The following SENP2 variants were observed in gnomAD, a reference collection of about 807,000 sequenced individuals.
The protein encoded by SENP2 is sentrin-specific protease 2.
In SENP2, 16 loss-of-function variants were observed where a neutral mutation model predicts 86.3. That is an observed-to-expected ratio of 0.19 (90% confidence interval 0.13 to 0.28). SENP2 has a LOEUF of 0.28. SENP2 is among the 10% of genes least tolerant of loss of function. The pLI is 1.00. For missense variants in SENP2, 552 were observed against 703.0 expected (o/e 0.79, Z 2.43); for synonymous variants, 222 against 238.7 (o/e 0.93, Z 0.64).
chr3:185,607,391 C>T lies in SENP2; in HGVS notation c.618+893C>T, dbSNP rs539994266. 2.3e-3 allele frequency among the ~76,000 whole-genome samples: 321 copies of T among 138,280 alleles called. 2 individuals carry two copies. Among genetic ancestry groups the T allele is most frequent in the African/African-American group, 8.2e-3 (302 of 36,968 alleles). 90.7% of individuals were successfully genotyped at this position (138,280 alleles called of 152,430 possible). ...TTGCCCAGGCTAGAGTGCAATGGCG[C>T]GATCTTGGCTCACTGCAGCCTCCAC... On this transcript the variant is annotated intron_variant, in intron 6 of 16. Coordinates refer to ENST00000296257, the MANE Select transcript of SENP2 (RefSeq NM_021627.3).
chr3:185,592,896 C>T (rs556065254), intron 2 of SENP2, among the ~76,000 whole-genome samples: 16 of 152,210 alleles, frequency 1.1e-4, no homozygotes, highest in Admixed American at 2.6e-4. Context: ...GAATTACAGG[C>T]GTGAGCCACC....
chr3:185,591,226 C>G (rs1486795272), intron 2 of SENP2, among the ~76,000 whole-genome samples: 2 of 151,408 alleles, frequency 1.3e-5, no homozygotes, highest in Non-Finnish European at 2.9e-5. Context: ...CTTTCCTATC[C>G]CTTTCTTATC....
intron 2 of SENP2, among the ~76,000 whole-genome samples, chr3:185,592,574 T>C (rs895372240): frequency 6.6e-6 from 1 of 152,070 alleles, no homozygotes; most frequent in African/African-American, 2.4e-5. Context: ...CTAACCAATG[T>C]GTTAGGTTTT....
chr3:185,594,016 C>T (rs1438817310), intron 2 of SENP2, among the ~76,000 whole-genome samples: 5 of 152,078 alleles, frequency 3.3e-5, no homozygotes, highest in Non-Finnish European at 2.9e-5. Context: ...GCGTGAGCCA[C>T]CTCACCCGGC....
chr3:185,618,887 A>AT (rs1711726981), intron 12 of SENP2, among the ~76,000 whole-genome samples: 1 of 152,252 alleles, frequency 6.6e-6, no homozygotes, highest in African/African-American at 2.4e-5. Context: ...TCAAAAAAAA[A>AT]GTATCACCAC....
In SENP2 at chr3:185,598,494, C is replaced by T. The variant is rs764689654; in HGVS notation, c.240C>T (p.Pro80=). The T allele has an allele frequency of 1.2e-6, 2 of 1,614,096 alleles. No individual in the cohort carries two copies. The highest frequency in any genetic ancestry group is 1.7e-6 in the Non-Finnish European group (2 of 1,180,026). The change falls in exon 3 of 17, where the codon CCC becomes CCT. Residue 80 remains proline (P), a synonymous_variant. Coordinates refer to ENST00000296257, the MANE Select transcript of SENP2 (RefSeq NM_021627.3). ...TCCCATTCCAGCTGACCACAAAGCCCATGGTAACTTCTGCTTGTAATGGAA... is the reference window on the plus strand; with the variant it reads ...TCCCATTCCAGCTGACCACAAAGCCTATGGTAACTTCTGCTTGTAATGGAA... ...FGFPFQLTTK[P]MVTSACNGTR...
At chr3:185,590,337 C>T (rs1721935843) in intron 2 of SENP2, among the ~76,000 whole-genome samples, 168 bp downstream of exon 2, 2 of 152,104 alleles carry the variant, frequency 1.3e-5, no homozygotes, top group African/African-American at 4.8e-5. Flanking sequence ...CACCTGAGGT[C>T]AGGAGTTTGA....
chr3:185,592,900 A>C (rs574260407), intron 2 of SENP2, among the ~76,000 whole-genome samples: 1 of 152,354 alleles, frequency 6.6e-6, no homozygotes, highest in South Asian at 2.1e-4. Context: ...TACAGGCGTG[A>C]GCCACCGTGC....
chr3:185,632,204 A>T lies in SENP2; in HGVS notation c.*2360A>T, dbSNP rs1712505675. On this transcript the variant is annotated 3_prime_UTR_variant, in exon 17 of 17. Transcript: ENST00000296257. ...TATTAGTAGCAAATTATCACCATTA[A>T]AGCCAGTGGTTTTTTTTTTGTTTTT... is the stretch of plus-strand genomic sequence containing the variant. The T allele has an allele frequency of 6.7e-6, 1 of 150,052 alleles. No homozygotes were observed. Among genetic ancestry groups the T allele is most frequent in the Non-Finnish European group, 1.5e-5 (1 of 67,674 alleles). The allele number at this position is 150,052 out of a possible 1,614,324, so 9.3% of individuals were successfully genotyped here. A position where few individuals can be genotyped will look rare whatever the true frequency, so the allele number is the denominator to read the frequency against.
intron 1 of SENP2, among the ~76,000 whole-genome samples, chr3:185,587,631 A>C (rs1049569038): frequency 7.1e-6 from 1 of 141,140 alleles, no homozygotes; most frequent in East Asian, 2.1e-4. Context: ...CAGTGGCGCA[A>C]TCTCGGCTCA....
intron 2 of SENP2, among the ~76,000 whole-genome samples, chr3:185,596,131 A>C (rs1356750241): frequency 2.6e-5 from 4 of 151,924 alleles, no homozygotes; most frequent in Non-Finnish European, 5.9e-5. Flanking sequence ...ACGCCCAGCT[A>C]ATTTTTGTAT....
In SENP2 at chr3:185,626,339, T is replaced by C; in HGVS notation, c.1653T>C (p.Phe551=). The stretch of plus-strand genomic sequence containing the variant: ...TGAATGGGAGTGATTGTGGAATGTT[T>C]ACTTGTAAATATGCAGATTATATTT... ...QQLNGSDCGM[F]TCKYADYISR... Residue 551 remains phenylalanine (F), a synonymous_variant, in exon 16 of 17, where the codon TTT becomes TTC. Coordinates refer to ENST00000296257, the MANE Select transcript of SENP2 (RefSeq NM_021627.3). 6.2e-7 allele frequency: 1 copy of C among 1,612,838 alleles called. No homozygotes were observed. Among genetic ancestry groups the C allele is most frequent in the Non-Finnish European group, 8.5e-7 (1 of 1,179,096 alleles).
chr3:185,609,147 CAT>C, intron 6 of SENP2, 98 bp from the exon 7 acceptor site: 1 of 710,578 alleles, frequency 1.4e-6, no homozygotes, highest in Non-Finnish European at 2.3e-6. Context: ...ATATTAAAAA[CAT>C]AGTGCTGGCA....
Position 185,609,389 on chromosome 3 carries a change from T to TTTTG in SENP2, c.722+51_722+54dup, listed in dbSNP as rs746397450. ...AACAGATAATGCTTTGCTAGGCATC[T>TTTTG]TTTGTTTGTTTGTTTTTGGAGAAAG... On this transcript the variant is annotated intron_variant, in intron 7 of 16. Transcript: ENST00000296257. 3.5e-6 allele frequency: 5 copies of TTTTG among 1,435,266 alleles called. No homozygotes were observed. In the South Asian group the frequency reaches 4.6e-5, roughly 13 times the overall value. 88.9% of individuals were successfully genotyped at this position (1,435,266 alleles called of 1,614,324 possible).
chr3:185,590,500 A>G (rs944968742), intron 2 of SENP2, among the ~76,000 whole-genome samples: 4 of 151,574 alleles, frequency 2.6e-5, no homozygotes, highest in Admixed American at 2.6e-4. Flanking sequence ...GTGAGCCAAG[A>G]TGGTGCCATT....
intron 1 of SENP2, among the ~76,000 whole-genome samples, chr3:185,587,584 T>TTTTTTTTTTTTTTTTTTTTTTTTG: frequency 6.7e-6 from 1 of 149,680 alleles, no homozygotes; most frequent in East Asian, 2.0e-4. Context: ...TTTTTTTTTT[T>TTTTTTTTTTTTTTTTTTTTTTTTG]GAGAAGGAGT....
intron 5 of SENP2, among the ~76,000 whole-genome samples, chr3:185,603,044 C>T (rs1384683141): frequency 6.6e-6 from 1 of 150,746 alleles, no homozygotes; most frequent in Non-Finnish European, 1.5e-5. Context: ...TCCTGAGTAG[C>T]AGGGACTACA....
Position 185,619,620 on chromosome 3 carries a change from T to C in SENP2, c.1446+118T>C, listed in dbSNP as rs74704545. On this transcript the variant is annotated intron_variant, in intron 13 of 16. Transcript: ENST00000296257. ...CCAATAGTATATATTATAAGCATAC[T>C]CTGCAGAGTCTCTTTTTAGTTTTTT... 902 of 587,132 alleles carry C rather than the reference T, an allele frequency of 1.5e-3. 9 individuals carry two copies. Among genetic ancestry groups the C allele is most frequent in the African/African-American group, 0.015 (807 of 53,982 alleles). 36.4% of individuals were successfully genotyped at this position (587,132 alleles called of 1,614,324 possible).
chr3:185,619,418 G>A lies in SENP2; in HGVS notation c.1362G>A (p.Val454=). The A allele has an allele frequency of 3.7e-6, 6 of 1,614,126 alleles. No homozygotes were observed. Among genetic ancestry groups the A allele is most frequent in the Non-Finnish European group, 5.1e-6 (6 of 1,180,008 alleles). ...PKLKSGGYQA[V]KRWTKGVNLF... Reference sequence around the variant, plus strand: ...TAAAGTCTGGGGGTTACCAAGCAGTGAAACGATGGACCAAAGGGGTAAATC... The same window carrying A: ...TAAAGTCTGGGGGTTACCAAGCAGTAAAACGATGGACCAAAGGGGTAAATC... Residue 454 remains valine (V), a synonymous_variant, in exon 13 of 17, where the codon GTG becomes GTA. Transcript: ENST00000296257.
Sources: allele counts gnomAD v4.1 joint callset (sites outside exome capture counted in the v4.1 genomes callset), GRCh38; gene constraint gnomAD v4.1.1; transcripts MANE v1.5; gene names NCBI Gene and HGNC (gene_info 2026-07-23, HGNC 2026-07-21).